PPP3CA: variants seen among roughly 807,000 people sequenced by gnomAD.
PPP3CA encodes CAM-PRP catalytic subunit.
Under a neutral mutation model 66.5 loss-of-function variants are expected in PPP3CA, and 14 were observed. The observed-to-expected ratio is 0.21, with a 90% CI of 0.14 to 0.33. PPP3CA has a LOEUF of 0.33. Ranked by LOEUF, PPP3CA falls within the 10% of genes least tolerant of loss-of-function variation. The probability of loss-of-function intolerance (pLI) is 1.00; values close to 1 mark genes in which losing one functional copy is unlikely to be tolerated. For missense variants in PPP3CA, 317 were observed against 639.5 expected, an observed-to-expected ratio of 0.50 and a Z score of 5.44; for synonymous variants, 232 against 226.2, an observed-to-expected ratio of 1.03 and a Z score of -0.23.
intron 1 of PPP3CA, among the ~76,000 whole-genome samples, chr4:101,333,103 C>CT (rs66790132): frequency 1.8e-3 from 156 of 88,276 alleles, no homozygotes; most frequent in African/African-American, 4.8e-3. Context: ...CATCTTCTTT[C>CT]TTTTTTTTTT....
intron 1 of PPP3CA, among the ~76,000 whole-genome samples, chr4:101,338,646 C>T (rs186665806): frequency 6.6e-6 from 1 of 152,266 alleles, no homozygotes; most frequent in African/African-American, 2.4e-5. Flanking sequence ...AAGGAAGAGG[C>T]TCAATTCCTT....
chr4:101,222,166 C>T (rs914257049), intron 1 of PPP3CA, among the ~76,000 whole-genome samples: 10 of 151,542 alleles, frequency 6.6e-5, no homozygotes, highest in Non-Finnish European at 1.2e-4. Context: ...AAAATCACTG[C>T]TTTGTTCATA....
intron 1 of PPP3CA, among the ~76,000 whole-genome samples, chr4:101,199,780 C>A (rs1192831183): frequency 4.6e-5 from 7 of 152,138 alleles, no homozygotes; most frequent in Non-Finnish European, 7.4e-5. Context: ...GAAATTGTTT[C>A]TTTTTCTATC....
intron 1 of PPP3CA, among the ~76,000 whole-genome samples, chr4:101,345,297 A>C (rs1260644215): frequency 6.6e-6 from 1 of 152,246 alleles, no homozygotes; most frequent in East Asian, 1.9e-4. Context: ...TTAAAAACTG[A>C]GTAAACCTCT....
intron 1 of PPP3CA, among the ~76,000 whole-genome samples, chr4:101,279,272 T>C (rs915468450): frequency 6.6e-5 from 10 of 151,916 alleles, no homozygotes; most frequent in Non-Finnish European, 1.2e-4. Context: ...AATGGATGAG[T>C]AACAGTAAGG....
At chr4:101,034,165 C>G (rs756785743) in intron 11 of PPP3CA, among the ~76,000 whole-genome samples, 1 of 152,194 alleles carries the variant, frequency 6.6e-6, no homozygotes, top group African/African-American at 2.4e-5. Context: ...GCACCCATCT[C>G]TTGGTCAACA....
chr4:101,079,967 A>C (rs938199374), intron 8 of PPP3CA, among the ~76,000 whole-genome samples: 1 of 152,190 alleles, frequency 6.6e-6, no homozygotes, highest in African/African-American at 2.4e-5. Flanking sequence ...GCAATTAACC[A>C]CAGGAACTCA....
chr4:101,280,093 C>T (rs916541729), intron 1 of PPP3CA, among the ~76,000 whole-genome samples: 1 of 152,134 alleles, frequency 6.6e-6, no homozygotes, highest in Non-Finnish European at 1.5e-5. Flanking sequence ...GAAATGGGAA[C>T]ACATTAGCGA....
chr4:101,119,416 C>T (rs1179359646), intron 2 of PPP3CA, among the ~76,000 whole-genome samples: 1 of 151,936 alleles, frequency 6.6e-6, no homozygotes, highest in African/African-American at 2.4e-5. Context: ...TGTTCCACAG[C>T]TATGTAATGG....
chr4:101,166,272 G>T (rs2110311217), intron 2 of PPP3CA, among the ~76,000 whole-genome samples: 1 of 152,050 alleles, frequency 6.6e-6, no homozygotes, highest in Non-Finnish European at 1.5e-5. Flanking sequence ...CTTTTCTGAG[G>T]TACACAATTC....
At chr4:101,209,375 G>C (rs1725233645) in intron 1 of PPP3CA, among the ~76,000 whole-genome samples, 1 of 151,974 alleles carries the variant, frequency 6.6e-6, no homozygotes, top group African/African-American at 2.4e-5. Context: ...ATAGCCAAGG[G>C]GGACCCAATT....
intron 1 of PPP3CA, among the ~76,000 whole-genome samples, chr4:101,251,107 T>G (rs1392071086): frequency 6.6e-6 from 1 of 152,036 alleles, no homozygotes; most frequent in African/African-American, 2.4e-5. Context: ...TATTTATTAA[T>G]ATTAACATTA....
intron 10 of PPP3CA, among the ~76,000 whole-genome samples, chr4:101,056,372 T>C (rs1275578158): frequency 1.3e-5 from 2 of 152,196 alleles, no homozygotes; most frequent in Admixed American, 6.5e-5. Context: ...TGTTAGCTGC[T>C]GTCACTAACA....
chr4:101,275,139 CT>C (rs1225385375), intron 1 of PPP3CA, among the ~76,000 whole-genome samples: 1 of 152,168 alleles, frequency 6.6e-6, no homozygotes, highest in Non-Finnish European at 1.5e-5. Context: ...GGTATATATT[CT>C]TGCCACGAAG....
At chr4:101,125,270 A>C (rs1471909105) in intron 2 of PPP3CA, among the ~76,000 whole-genome samples, 1 of 152,232 alleles carries the variant, frequency 6.6e-6, no homozygotes, top group Non-Finnish European at 1.5e-5. Context: ...ATCTGAGCTT[A>C]AAGGAAGCCT....
chr4:101,029,135 G>A (rs1436912710), intron 13 of PPP3CA, 31 bp downstream of exon 13: 4 of 1,556,924 alleles, frequency 2.6e-6, no homozygotes, highest in Non-Finnish European at 3.5e-6. Flanking sequence ...ATCTGTTGCA[G>A]GTACAACAGA....
chr4:101,190,676 T>G (rs1027408947), intron 2 of PPP3CA, among the ~76,000 whole-genome samples: 2 of 152,114 alleles, frequency 1.3e-5, no homozygotes, highest in South Asian at 2.1e-4. Flanking sequence ...CAACTTTCTA[T>G]AGTAAACTCC....
intron 2 of PPP3CA, among the ~76,000 whole-genome samples, chr4:101,114,081 G>A (rs1228204705): frequency 6.6e-6 from 1 of 151,962 alleles, no homozygotes; most frequent in Non-Finnish European, 1.5e-5. Context: ...CTGGTGGGTG[G>A]GGTACCCAAA....
At chr4:101,263,851 T>C (rs1274972065) in intron 1 of PPP3CA, among the ~76,000 whole-genome samples, 1 of 152,230 alleles carries the variant, frequency 6.6e-6, no homozygotes, top group Non-Finnish European at 1.5e-5. Context: ...AAGGGTTTTA[T>C]ATAAATGGAA....
Sources: gnomAD v4.1 joint callset for allele counts (sites outside exome capture counted in the v4.1 genomes callset) on GRCh38, gnomAD v4.1.1 for gene constraint, MANE v1.5 for transcripts, NCBI Gene and HGNC (gene_info 2026-07-23, HGNC 2026-07-21) for gene names.